Variants in PDE12 observed in about 807,000 individuals in gnomAD.
The protein encoded by PDE12 is 2',5'-phosphodiesterase 12.
PDE12 carries 26 observed loss-of-function variants against 45.4 expected under a neutral mutation model. The ratio of observed to expected loss-of-function variants is 0.57; its 90% CI spans 0.42 to 0.79. The LOEUF is 0.79. PDE12 is among the 30% of genes least tolerant of loss of function. The pLI, the probability that PDE12 is intolerant of heterozygous loss-of-function variation, is 0.00. For synonymous variants in PDE12, 283 were observed against 323.9 expected (o/e 0.87, Z 1.36); for missense variants, 668 against 790.0 (o/e 0.85, Z 1.85).
At chr3:57,584,493 C>G in the PDE12 span, 1 of 1,569,774 alleles carries the variant, frequency 6.4e-7, no homozygotes, top group Non-Finnish European at 8.7e-7. Context: ...GATTTAAAAT[C>G]CAGACCAAAA....
At chr3:57,576,413 G>A in the PDE12 span, among the ~76,000 whole-genome samples, 1 of 151,482 alleles carries the variant, frequency 6.6e-6, no homozygotes, top group African/African-American at 2.4e-5. Context: ...AGATTGTGAT[G>A]ATGGTTGTAC....
the PDE12 span, among the ~76,000 whole-genome samples, chr3:57,606,280 G>A: frequency 6.6e-6 from 1 of 152,156 alleles, no homozygotes; most frequent in African/African-American, 2.4e-5. Flanking sequence ...AAAGATAAGG[G>A]TGACATCGTA....
chr3:57,583,757 AC>A, the PDE12 span: 1 of 663,624 alleles, frequency 1.5e-6, no homozygotes, highest in Non-Finnish European at 2.6e-6. Flanking sequence ...GTGAGAGTCC[AC>A]TGAAGAATGT....
In PDE12 at chr3:57,559,952, T is replaced by A. The variant is rs1429839420; in HGVS notation, c.1778T>A (p.Val593Asp). ...EVTTHQALPS[V>D]SHPSDHIALV... Reference sequence around the variant, plus strand: ...ACCACCCACCAGGCCTTACCTAGTGTTTCCCATCCCTCTGATCACATAGCA... The same window carrying A: ...ACCACCCACCAGGCCTTACCTAGTGATTCCCATCCCTCTGATCACATAGCA... The change falls in exon 3 of 3, where the codon GTT (valine) becomes GAT (aspartate). Residue 593 changes from valine (V) to aspartate (D), a missense_variant. Physicochemically the swap from Val to Asp is radical, Grantham distance 152. Coordinates refer to ENST00000311180, the MANE Select transcript of PDE12 (RefSeq NM_177966.7). The A allele has an allele frequency of 5.0e-6, 8 of 1,612,796 alleles. No individual in the cohort carries two copies. In the South Asian group the frequency reaches 8.8e-5, roughly 18 times the overall value.
At chr3:57,597,410 A>C in the PDE12 span, 4 of 309,434 alleles carry the variant, frequency 1.3e-5, no homozygotes, top group East Asian at 6.6e-5. Flanking sequence ...GGCCGCGGCG[A>C]CTCCAGCAGC....
the PDE12 span, chr3:57,634,600 T>G: frequency 2.7e-6 from 4 of 1,466,690 alleles, no homozygotes; most frequent in Admixed American, 2.3e-5. Flanking sequence ...TATTTAAATA[T>G]GGCTTATATG....
chr3:57,628,381 C>T, the PDE12 span: 2 of 1,603,944 alleles, frequency 1.2e-6, no homozygotes, highest in Non-Finnish European at 8.5e-7. Flanking sequence ...TTAAATTATC[C>T]TCAGAATCTG....
chr3:57,573,561 G>A, the PDE12 span, among the ~76,000 whole-genome samples: 1 of 152,150 alleles, frequency 6.6e-6, no homozygotes, highest in Non-Finnish European at 1.5e-5. Context: ...TACAGTTAGT[G>A]TTGCTTGCTT....
the PDE12 span, among the ~76,000 whole-genome samples, chr3:57,616,650 G>A: frequency 1.3e-5 from 2 of 152,170 alleles, no homozygotes; most frequent in African/African-American, 4.8e-5. Context: ...TTTTAAGGAA[G>A]ACATAATACC....
the PDE12 span, among the ~76,000 whole-genome samples, chr3:57,587,106 G>T: frequency 6.6e-6 from 1 of 151,910 alleles, no homozygotes; most frequent in African/African-American, 2.4e-5. Flanking sequence ...ATCACCTGAG[G>T]CCAGGAGTTT....
At chr3:57,614,656 G>A in the PDE12 span, among the ~76,000 whole-genome samples, 6 of 144,790 alleles carry the variant, frequency 4.1e-5, no homozygotes, top group East Asian at 2.3e-4. Context: ...CCATTCTCCC[G>A]CCTCAGCCTC....
In PDE12 at chr3:57,560,038, A is replaced by G; in HGVS notation, c.*34A>G. ...TTAATGGAATTGAAGTCTGAAAAGG[A>G]AGTAGTTATTTTAGCAGAAAATTTA... On this transcript the variant is annotated 3_prime_UTR_variant, in exon 3 of 3. Transcript: ENST00000311180. 6.4e-7 allele frequency: 1 copy of G among 1,552,038 alleles called. No individual in the cohort carries two copies. The highest frequency in any genetic ancestry group is 8.6e-7 in the Non-Finnish European group (1 of 1,156,646).
the PDE12 span, among the ~76,000 whole-genome samples, chr3:57,650,567 A>G: frequency 6.6e-6 from 1 of 152,094 alleles, no homozygotes; most frequent in Admixed American, 6.6e-5. Flanking sequence ...ATTCTCTGCT[A>G]AAAAGAACAA....
chr3:57,568,962 AT>A (rs2069810797), downstream of PDE12, among the ~76,000 whole-genome samples: 2 of 152,108 alleles, frequency 1.3e-5, no homozygotes, highest in Admixed American at 1.3e-4. Flanking sequence ...GGGAATCACA[AT>A]TTCTCTTCAG....
At chr3:57,596,924 T>C in the PDE12 span, 7 of 750,330 alleles carry the variant, frequency 9.3e-6, no homozygotes, top group South Asian at 8.7e-5. Context: ...CTCCGCTCCA[T>C]TGTTCCCCCT....
At chr3:57,569,279 G>T (rs186840482), downstream of PDE12, among the ~76,000 whole-genome samples, 2 of 151,880 alleles carry the variant, frequency 1.3e-5, no homozygotes, top group Non-Finnish European at 1.5e-5. Context: ...AAGAAAAAAA[G>T]GAACTTTAAA....
rs1162168866 is a variant in PDE12, at chr3:57,566,148, T to TG, written c.*6146dup. 1.3e-5 allele frequency: 2 copies of TG among 152,358 alleles called. No homozygotes were observed. The highest frequency in any genetic ancestry group is 2.4e-5 in the African/African-American group (1 of 41,582). 9.4% of individuals were successfully genotyped at this position (152,358 alleles called of 1,614,324 possible). ...CCCCAAAAGAAGCTGCATACTCACT[T>TG]GGCAGTCACTCCCCATTCTCCCTAG... On this transcript the variant is annotated 3_prime_UTR_variant, in exon 3 of 3. Transcript: ENST00000311180.
At chr3:57,584,879 G>C in the PDE12 span, among the ~76,000 whole-genome samples, 1 of 151,862 alleles carries the variant, frequency 6.6e-6, no homozygotes, top group African/African-American at 2.4e-5. Flanking sequence ...GCAGGGGAGC[G>C]GGGGGACGTA....
the PDE12 span, chr3:57,598,289 A>G: frequency 3.3e-5 from 5 of 152,284 alleles, no homozygotes; most frequent in East Asian, 9.6e-4. Context: ...GTGCCGTCCT[A>G]TGTGGTTCTG....
Sources: gnomAD v4.1 joint callset for allele counts (sites outside exome capture counted in the v4.1 genomes callset) on GRCh38, gnomAD v4.1.1 for gene constraint, MANE v1.5 for transcripts, NCBI Gene and HGNC (gene_info 2026-07-23, HGNC 2026-07-21) for gene names.